PCDHGA2: variants seen among roughly 807,000 people sequenced by gnomAD.
PCDHGA2 encodes the protein protocadherin gamma subfamily A, 2.
PCDHGA2 carries 40 observed loss-of-function variants against 59.2 expected under a neutral mutation model. The observed-to-expected ratio is 0.68, with a 90% CI of 0.52 to 0.88. The LOEUF (loss-of-function observed/expected upper bound fraction) is 0.88, where lower values mean the gene tolerates loss of function less well. Among genes scored for constraint, PCDHGA2 ranks in the 40% least tolerant of loss-of-function variants. The pLI, the probability that PCDHGA2 is intolerant of heterozygous loss-of-function variation, is 0.00. For synonymous variants in PCDHGA2, 560 were observed against 526.0 expected (o/e 1.06, Z -0.89); for missense variants, 1,226 against 1,204.0 (o/e 1.02, Z -0.27).
intron 1 of PCDHGA2, among the ~76,000 whole-genome samples, chr5:141,353,606 T>C (rs539618860): frequency 1.4e-4 from 21 of 152,372 alleles, no homozygotes; most frequent in African/African-American, 4.8e-4. Context: ...TCTTAACCAT[T>C]CCTAAATTAT....
Position 141,394,174 on chromosome 5 carries a change from A to G in PCDHGA2, c.2424+52779A>G, listed in dbSNP as rs774402638. On this transcript the variant is annotated intron_variant, in intron 1 of 3. Coordinates refer to ENST00000394576, the MANE Select transcript of PCDHGA2 (RefSeq NM_018915.4). ...AACGACAACCCTCCTACTTTCCCTC[A>G]TGCCTCCTACTCAGCGTATATCCTA... 3 of 1,613,706 alleles carry G rather than the reference A, an allele frequency of 1.9e-6. No individual in the cohort carries two copies. In the East Asian group the frequency reaches 6.7e-5, roughly 36 times the overall value.
Position 141,485,098 on chromosome 5 carries a change from A to G in PCDHGA2, c.2425-9709A>G, listed in dbSNP as rs2099606903. ...CGGGGAAAGGGAGATAGGTGTCTCCAGCTGCTGTGGCTGTTTGGGGCGGGT... is the reference window on the plus strand; with the variant it reads ...CGGGGAAAGGGAGATAGGTGTCTCCGGCTGCTGTGGCTGTTTGGGGCGGGT... On this transcript the variant is annotated intron_variant, in intron 1 of 3. Transcript: ENST00000394576. This position sits in a 1 kb window ranked among gnomAD's most constrained non-coding sequence, Gnocchi z 5.7. 8.8e-7 allele frequency: 1 copy of G among 1,134,792 alleles called. No individual in the cohort carries two copies. Among genetic ancestry groups the G allele is most frequent in the South Asian group, 1.4e-5 (1 of 71,796 alleles). The allele number at this position is 1,134,792 out of a possible 1,614,324, so 70.3% of individuals were successfully genotyped here. A position where few individuals can be genotyped will look rare whatever the true frequency, so the allele number is the denominator to read the frequency against.
chr5:141,399,360 C>T, intron 1 of PCDHGA2: 1 of 1,613,978 alleles, frequency 6.2e-7, no homozygotes, highest in Non-Finnish European at 8.5e-7. Context: ...GAGAGCAAAC[C>T]CCGGAGTACA....
intron 1 of PCDHGA2, chr5:141,417,742 G>A: frequency 7.0e-7 from 1 of 1,418,808 alleles, no homozygotes. Flanking sequence ...CAGCACACCA[G>A]ATTGCCAGCT....
At chr5:141,480,298 C>T (rs1238380283) in intron 1 of PCDHGA2, among the ~76,000 whole-genome samples, 1 of 132,676 alleles carries the variant, frequency 7.5e-6, no homozygotes, top group Non-Finnish European at 1.6e-5. Flanking sequence ...ACCTGTGGTA[C>T]CAGCTACTTG....
intron 1 of PCDHGA2, chr5:141,379,708 G>T (rs1048011684): frequency 2.0e-5 from 3 of 151,950 alleles, no homozygotes; most frequent in Non-Finnish European, 2.9e-5. Flanking sequence ...AAACATCCTG[G>T]CAGTCATGGA....
At chr5:141,463,108 T>G (rs1212278355) in intron 1 of PCDHGA2, among the ~76,000 whole-genome samples, 1 of 152,202 alleles carries the variant, frequency 6.6e-6, no homozygotes, top group Non-Finnish European at 1.5e-5. Flanking sequence ...CATCAAGAAT[T>G]CAGCTAATAG....
chr5:141,445,828 G>A (rs1188169953), intron 1 of PCDHGA2, among the ~76,000 whole-genome samples: 2 of 152,188 alleles, frequency 1.3e-5, no homozygotes, highest in African/African-American at 2.4e-5. Context: ...AAGGCAGGGA[G>A]AGCCTTGTAA....
At chr5:141,399,936 C>T (rs1370105984) in intron 1 of PCDHGA2, 2 of 1,612,268 alleles carry the variant, frequency 1.2e-6, no homozygotes, top group Non-Finnish European at 8.5e-7. Flanking sequence ...TGTCCTACCA[C>T]GTGCTGCAGG....
intron 1 of PCDHGA2, chr5:141,407,890 A>C (rs2094997846): frequency 2.5e-6 from 1 of 395,960 alleles, no homozygotes. Flanking sequence ...TCGGAGACCG[A>C]ATTCAAAATG....
intron 1 of PCDHGA2, chr5:141,475,832 T>C: frequency 2.4e-6 from 1 of 410,610 alleles, no homozygotes; most frequent in Non-Finnish European, 4.4e-6. Flanking sequence ...CTAGCGCGTG[T>C]CCTGCTCAGA....
At chr5:141,385,066 C>A (rs1780827434) in intron 1 of PCDHGA2, 1 of 1,614,194 alleles carries the variant, frequency 6.2e-7, no homozygotes, top group Non-Finnish European at 8.5e-7. Flanking sequence ...GCACAAGTCA[C>A]GCCTGCTGCA....
chr5:141,477,180 C>T lies in PCDHGA2; in HGVS notation c.2425-17627C>T. On this transcript the variant is annotated intron_variant, in intron 1 of 3. Coordinates refer to ENST00000394576, the MANE Select transcript of PCDHGA2 (RefSeq NM_018915.4). This position sits in a 1 kb window ranked among gnomAD's most constrained non-coding sequence, Gnocchi z 4.9. ...GACAACGCCCCGGAGATCACAGTCA[C>T]CTCCGTGTACAGCCCAGTACCCGAG... 1 of 1,614,196 alleles carries T rather than the reference C, an allele frequency of 6.2e-7. No homozygotes were observed. The highest frequency in any genetic ancestry group is 8.5e-7 in the Non-Finnish European group (1 of 1,180,032).
rs1218261413 is a variant in PCDHGA2 at position 141,370,605 on chromosome 5, G to A, written c.2424+29210G>A. 2.5e-6 allele frequency: 4 copies of A among 1,613,858 alleles called. No individual in the cohort carries two copies. The African/African-American group carries it at 4.0e-5, about 16-fold the overall frequency. On this transcript the variant is annotated intron_variant, in intron 1 of 3. Coordinates refer to ENST00000394576, the MANE Select transcript of PCDHGA2 (RefSeq NM_018915.4). ...TACTAGGAACCTGCGGGTTATTGCA[G>A]AGAAGAAATTCTTTACCGTGAGCCC...
rs1407266940 is a variant in PCDHGA2, at chr5:141,339,661, G to T, written c.690G>T (p.Val230=). The part of the protein sequence containing the change: ...PVLSGTSRIC[V]KVLDANDNAP... The stretch of plus-strand genomic sequence containing the variant: ...TATCTGGCACCTCCCGCATCTGCGT[G>T]AAGGTCCTGGATGCGAACGACAATG... The change falls in exon 1 of 4, where the codon GTG becomes GTT. Residue 230 remains valine (V), a synonymous_variant. Transcript: ENST00000394576. 6.2e-7 allele frequency: 1 copy of T among 1,614,074 alleles called. No homozygotes were observed. Among genetic ancestry groups the T allele is most frequent in the Non-Finnish European group, 8.5e-7 (1 of 1,180,046 alleles).
rs779983817 is a variant in PCDHGA2 at position 141,339,623 on chromosome 5, G to C, written c.652G>C (p.Gly218Arg). The change falls in exon 1 of 4, where the codon GGT becomes CGT. Residue 218 changes from glycine to arginine, a missense_variant. Transcript: ENST00000394576. ...HHLVLVASDG[G>R]DPVLSGTSRI... ...CCTCGTTCTCGTGGCTTCTGATGGGGGTGACCCAGTGCTATCTGGCACCTC... is the reference window on the plus strand; with the variant it reads ...CCTCGTTCTCGTGGCTTCTGATGGGCGTGACCCAGTGCTATCTGGCACCTC... The C allele has an allele frequency of 6.2e-7, 1 of 1,614,072 alleles. No homozygotes were observed. Among genetic ancestry groups the C allele is most frequent in the Admixed American group, 1.7e-5 (1 of 60,012 alleles).
At position 141,438,956 on chromosome 5, in the gene PCDHGA2, G is replaced by A. The variant is rs140181975; in HGVS notation, c.2425-55851G>A. 3.9e-3 allele frequency among the ~76,000 whole-genome samples: 592 copies of A among 151,974 alleles called. 6 individuals are homozygous for A. Among genetic ancestry groups the A allele is most frequent in the Admixed American group, 0.011 (171 of 15,242 alleles). On this transcript the variant is annotated intron_variant, in intron 1 of 3. Coordinates refer to ENST00000394576, the MANE Select transcript of PCDHGA2 (RefSeq NM_018915.4). ...GCTGGGATTATAGGCATGAGCCACCGCACCCTGCCAACTGTCTGACTTATC... is the reference window on the plus strand; with the variant it reads ...GCTGGGATTATAGGCATGAGCCACCACACCCTGCCAACTGTCTGACTTATC...
chr5:141,461,510 G>T (rs2099016853), intron 1 of PCDHGA2, among the ~76,000 whole-genome samples: 1 of 152,014 alleles, frequency 6.6e-6, no homozygotes, highest in Non-Finnish European at 1.5e-5. Context: ...TTGGTGATTT[G>T]TTAGTTCCTT....
intron 1 of PCDHGA2, chr5:141,350,503 G>A: frequency 6.2e-7 from 1 of 1,614,074 alleles, no homozygotes; most frequent in Non-Finnish European, 8.5e-7. Flanking sequence ...GCGGGGATTT[G>A]TTAGTGAACG....
Sources: allele counts gnomAD v4.1 joint callset (sites outside exome capture counted in the v4.1 genomes callset), GRCh38; gene constraint gnomAD v4.1.1; non-coding constraint Gnocchi (gnomAD v3.1); transcripts MANE v1.5; gene names NCBI Gene and HGNC (gene_info 2026-07-23, HGNC 2026-07-21).